The following LRRFIP2 variants were observed in gnomAD, a reference collection of about 807,000 sequenced individuals.
LRRFIP2 encodes leucine-rich repeat flightless-interacting protein 2.
LRRFIP2 carries 109 observed loss-of-function variants against 125.9 expected under a neutral mutation model. The ratio of observed to expected loss-of-function variants is 0.87; its 90% CI spans 0.74 to 1.01. The LOEUF (loss-of-function observed/expected upper bound fraction) is 1.01. Among genes scored for constraint, LRRFIP2 ranks in the 50% least tolerant of loss-of-function variants. LRRFIP2 has a pLI of 0.00. For missense variants in LRRFIP2, 850 were observed against 862.3 expected (o/e 0.99, Z 0.18); for synonymous variants, 291 against 293.1 (o/e 0.99, Z 0.07).
chr3:37,067,236 C>T (rs1325565006), intron 21 of LRRFIP2: 1 of 152,166 alleles, frequency 6.6e-6, no homozygotes, highest in Admixed American at 6.6e-5. Flanking sequence ...AATTCCCTGC[C>T]ATTTCCTTAA....
intron 4 of LRRFIP2, among the ~76,000 whole-genome samples, 184 bp downstream of exon 4, chr3:37,127,446 C>T (rs568806995): frequency 1.3e-5 from 2 of 152,236 alleles, no homozygotes; most frequent in East Asian, 3.9e-4. Context: ...ATACTGACTA[C>T]AACATAAAAT....
At chr3:37,066,108 AT>A in intron 22 of LRRFIP2, 115 bp downstream of exon 22, 1 of 1,307,966 alleles carries the variant, frequency 7.6e-7, no homozygotes, top group South Asian at 1.2e-5. Context: ...CCAAATCTGG[AT>A]TAGAGAATAA....
chr3:37,088,549 A>G (rs909063172), intron 18 of LRRFIP2, among the ~76,000 whole-genome samples: 1 of 151,630 alleles, frequency 6.6e-6, no homozygotes, highest in African/African-American at 2.4e-5. Context: ...ATGGTGGCTA[A>G]TGTCTGTCAT....
intron 1 of LRRFIP2, among the ~76,000 whole-genome samples, chr3:37,169,677 A>T (rs2096558809): frequency 6.6e-6 from 1 of 152,234 alleles, no homozygotes; most frequent in African/African-American, 2.4e-5. Flanking sequence ...GTGGGCATGT[A>T]AGGAACAACA....
At chr3:37,174,239 G>C (rs180867084) in intron 1 of LRRFIP2, 1 of 152,142 alleles carries the variant, frequency 6.6e-6, no homozygotes, top group South Asian at 2.1e-4. Flanking sequence ...AACTCTAACA[G>C]AAGGAAAAGA....
At position 37,105,506 on chromosome 3, in the gene LRRFIP2, A is replaced by C. The variant is rs781107632; in HGVS notation, c.732T>G (p.Thr244=). Reference sequence around the variant, plus strand: ...CACGATCAGAAGACACAATGCTTGCAGTGTCATCGTTGGTAAACTATAGAT... The same window carrying C: ...CACGATCAGAAGACACAATGCTTGCCGTGTCATCGTTGGTAAACTATAGAT... ...RSSPGFTNDD[T]ASIVSSDRAS... Residue 244 remains threonine, a synonymous_variant, in exon 14 of 28, where the codon ACT becomes ACG. Transcript: ENST00000336686. 4 of 1,613,664 alleles carry C rather than the reference A, an allele frequency of 2.5e-6. No individual in the cohort carries two copies. In the East Asian group the frequency reaches 8.9e-5, roughly 36 times the overall value.
chr3:37,116,439 C>CAA (rs1268105424), intron 6 of LRRFIP2, among the ~76,000 whole-genome samples: 1 of 152,088 alleles, frequency 6.6e-6, no homozygotes, highest in African/African-American at 2.4e-5. Flanking sequence ...ACCCTGCCCT[C>CAA]AACCAGCATT....
Position 37,129,239 on chromosome 3 carries a change from C to T in LRRFIP2, c.91-90G>A, listed in dbSNP as rs769525663. The T allele has an allele frequency of 3.0e-5, 32 of 1,062,928 alleles. 1 individual carries two copies. Among genetic ancestry groups the T allele is most frequent in the Non-Finnish European group, 4.4e-5 (31 of 696,940 alleles). 65.8% of individuals were successfully genotyped at this position (1,062,928 alleles called of 1,614,324 possible). On this transcript the variant is annotated intron_variant, in intron 2 of 27. Coordinates refer to ENST00000336686, the MANE Select transcript of LRRFIP2 (RefSeq NM_006309.4). Reference sequence around the variant, plus strand: ...GAAAATAAAGAATGGGACATTACCACGCAAAAGGGGTGGGCAGGAGAAGAT... The same window carrying T: ...GAAAATAAAGAATGGGACATTACCATGCAAAAGGGGTGGGCAGGAGAAGAT...
At chr3:37,139,506 G>A (rs1021339067) in intron 2 of LRRFIP2, among the ~76,000 whole-genome samples, 11 of 152,112 alleles carry the variant, frequency 7.2e-5, no homozygotes, top group African/African-American at 2.7e-4. Flanking sequence ...GGCATTTTAA[G>A]GTCTGAAGAA....
chr3:37,172,183 C>G (rs1417558023), intron 1 of LRRFIP2, among the ~76,000 whole-genome samples: 1 of 152,182 alleles, frequency 6.6e-6, no homozygotes, highest in Non-Finnish European at 1.5e-5. Context: ...AAAATACATT[C>G]TGTATAGATA....
At chr3:37,094,519 C>T (rs559471934) in intron 17 of LRRFIP2, among the ~76,000 whole-genome samples, 3 of 152,228 alleles carry the variant, frequency 2.0e-5, no homozygotes, top group Admixed American at 2.0e-4. Flanking sequence ...ATTACTTTTA[C>T]ATACATTACA....
At chr3:37,065,423 C>A in intron 23 of LRRFIP2, 1 of 376,412 alleles carries the variant, frequency 2.7e-6, no homozygotes, top group Non-Finnish European at 5.3e-6. Flanking sequence ...AGCAGTGGAA[C>A]ATAAAACCAG....
chr3:37,164,805 C>T (rs552094930), intron 1 of LRRFIP2, among the ~76,000 whole-genome samples: 4 of 152,152 alleles, frequency 2.6e-5, no homozygotes, highest in Non-Finnish European at 4.4e-5. Context: ...CCACCCTAAT[C>T]GCCCTTCCTA....
chr3:37,109,373 T>C (rs961331885), intron 11 of LRRFIP2, among the ~76,000 whole-genome samples, 154 bp downstream of exon 11: 2 of 152,208 alleles, frequency 1.3e-5, no homozygotes, highest in Non-Finnish European at 2.9e-5. Flanking sequence ...CCTAAAGTTG[T>C]ATATTTTAAG....
Position 37,112,608 on chromosome 3 carries a change from T to G in LRRFIP2, c.438+307A>C, listed in dbSNP as rs533267887. ...AATACCACAACTAAATCAATTCAAA[T>G]TCCTAAAATAAGGATGAGAATCTTA... On this transcript the variant is annotated intron_variant, in intron 8 of 27. Coordinates refer to ENST00000336686, the MANE Select transcript of LRRFIP2 (RefSeq NM_006309.4). Among the ~76,000 whole-genome samples the G allele has an allele frequency of 6.1e-4, 93 of 152,276 alleles. 1 individual carries two copies. The South Asian group carries it at 0.019, about 31-fold the overall frequency.
At chr3:37,150,495 T>C (rs1164181517) in intron 1 of LRRFIP2, among the ~76,000 whole-genome samples, 3 of 152,022 alleles carry the variant, frequency 2.0e-5, no homozygotes, top group East Asian at 1.9e-4. Flanking sequence ...TCTATGAACC[T>C]GTTACTATTA....
At chr3:37,055,536 A>T (rs1479082871) in intron 25 of LRRFIP2, among the ~76,000 whole-genome samples, 4 of 152,178 alleles carry the variant, frequency 2.6e-5, no homozygotes, top group Admixed American at 2.6e-4. Context: ...ACTGCACTCC[A>T]GCCTGGCAAC....
intron 18 of LRRFIP2, among the ~76,000 whole-genome samples, chr3:37,086,315 A>G (rs1046471367): frequency 1.3e-5 from 2 of 152,236 alleles, no homozygotes; most frequent in African/African-American, 4.8e-5. Flanking sequence ...CAGTTTGACA[A>G]TTCCTCAAAA....
chr3:37,130,558 G>C (rs2095401476), intron 2 of LRRFIP2, among the ~76,000 whole-genome samples: 1 of 152,038 alleles, frequency 6.6e-6, no homozygotes, highest in Non-Finnish European at 1.5e-5. Flanking sequence ...GGTTAACCAA[G>C]GTACAAAAAT....
Sources: gnomAD v4.1 joint callset for allele counts (sites outside exome capture counted in the v4.1 genomes callset) on GRCh38, gnomAD v4.1.1 for gene constraint, MANE v1.5 for transcripts, NCBI Gene and HGNC (gene_info 2026-07-23, HGNC 2026-07-21) for gene names.